Variants in DBF4B observed in about 807,000 individuals in gnomAD.
DBF4B encodes protein DBF4 homolog B.
Under a neutral mutation model 53.4 loss-of-function variants are expected in DBF4B, and 49 were observed. That is an observed-to-expected ratio of 0.92 (90% confidence interval 0.73 to 1.16). DBF4B has a LOEUF of 1.16. Among genes scored for constraint, DBF4B ranks in the 50% most tolerant of loss-of-function variants. The pLI, the probability that DBF4B is intolerant of heterozygous loss-of-function variation, is 0.00. For synonymous variants in DBF4B, 257 were observed against 288.7 expected, an observed-to-expected ratio of 0.89 and a Z score of 1.11; for missense variants, 692 against 775.0, an observed-to-expected ratio of 0.89 and a Z score of 1.27.
At chr17:44,748,754 G>A in intron 13 of DBF4B, 1 of 1,342,344 alleles carries the variant, frequency 7.4e-7, no homozygotes. Flanking sequence ...GGGGCCTCCT[G>A]GCCACAGGCT....
At chr17:44,719,620 C>T (rs1182767275) in intron 2 of DBF4B, 1 of 153,544 alleles carries the variant, frequency 6.5e-6, no homozygotes, top group Non-Finnish European at 1.4e-5. Context: ...TGTGTCAGTA[C>T]ATCATTCCTT....
intron 9 of DBF4B, among the ~76,000 whole-genome samples, chr17:44,740,823 G>A (rs1281233960): frequency 6.6e-6 from 1 of 152,212 alleles, no homozygotes; most frequent in Admixed American, 6.5e-5. Context: ...CAGGGAGGCA[G>A]TGGTATGAGT....
intron 2 of DBF4B, among the ~76,000 whole-genome samples, chr17:44,722,426 GAT>G (rs1368036782): frequency 6.6e-6 from 1 of 152,186 alleles, no homozygotes; most frequent in African/African-American, 2.4e-5. Context: ...ACACTGCCAT[GAT>G]GTTACCCTGC....
intron 9 of DBF4B, 129 bp downstream of exon 9, chr17:44,738,553 C>A: frequency 1.1e-6 from 1 of 890,196 alleles, no homozygotes; most frequent in Non-Finnish European, 1.7e-6. Flanking sequence ...CTTCATCTTC[C>A]TGAGAAGCCA....
Position 44,708,797 on chromosome 17 carries a change from A to G in DBF4B, c.-24A>G, listed in dbSNP as rs373708415. ...GGAGGCCTCTGAGGAAGGAGTACGG[A>G]GGCCGAGAAGGAGCCGGCATTTGAT... On this transcript the variant is annotated 5_prime_UTR_variant, in exon 1 of 14. Transcript: ENST00000315005. 11 of 1,550,884 alleles carry G rather than the reference A, an allele frequency of 7.1e-6. No homozygotes were observed. Among genetic ancestry groups the G allele is most frequent in the South Asian group, 2.4e-5 (2 of 83,942 alleles).
chr17:44,713,788 A>G (rs1180569169), intron 2 of DBF4B, among the ~76,000 whole-genome samples: 2 of 152,140 alleles, frequency 1.3e-5, no homozygotes, highest in Non-Finnish European at 2.9e-5. Context: ...AATACTTTCA[A>G]GCTCATCAGA....
Position 44,751,088 on chromosome 17 carries a change from G to T in DBF4B, c.1683G>T (p.Leu561Phe). 1 of 1,614,114 alleles carries T rather than the reference G, an allele frequency of 6.2e-7. No individual in the cohort carries two copies. Reference sequence around the variant, plus strand: ...GGTGCCGGGTTCGGGTGCCCTCATTGTCAACTGCAGGACCCATTCCCCGAA... The same window carrying T: ...GGTGCCGGGTTCGGGTGCCCTCATTTTCAACTGCAGGACCCATTCCCCGAA... ...SLWCRVRVPS[L>F]STAGPIPRTS... Residue 561 changes from leucine (L) to phenylalanine (F), a missense_variant, in exon 14 of 14, where the codon TTG (leucine) becomes TTT (phenylalanine). Around this residue, in one of 3 missense-constraint regions of DBF4B, gnomAD observed 597 missense variants for 665.8 expected, o/e 0.90. Transcript: ENST00000315005.
intron 10 of DBF4B, among the ~76,000 whole-genome samples, chr17:44,742,732 G>A (rs765803857): frequency 2.8e-4 from 42 of 152,282 alleles, no homozygotes; most frequent in Admixed American, 7.2e-4. Context: ...GGGGCGGGGC[G>A]GGGGAGAAGA....
At chr17:44,721,139 A>G (rs1051798630) in intron 2 of DBF4B, among the ~76,000 whole-genome samples, 3 of 151,662 alleles carry the variant, frequency 2.0e-5, no homozygotes, top group Non-Finnish European at 4.4e-5. Flanking sequence ...GTACTGGGAT[A>G]CAGGTGTGAA....
Position 44,708,702 on chromosome 17 carries a change from G to A in DBF4B, c.-119G>A, listed in dbSNP as rs999794210. ...CGGCCGAAAACGCCAAGAGATTGAT[G>A]CTGTAGCTGCCCTGAGATAACCAGG... On this transcript the variant is annotated 5_prime_UTR_variant, in exon 1 of 14. It removes an upstream start codon present in the reference 5' UTR. Coordinates refer to ENST00000315005, the MANE Select transcript of DBF4B (RefSeq NM_145663.3). 1 of 1,249,604 alleles carries A rather than the reference G, an allele frequency of 8.0e-7. No homozygotes were observed. The allele number at this position is 1,249,604 out of a possible 1,614,324, so 77.4% of individuals were successfully genotyped here.
chr17:44,715,030 T>C (rs1239548753), intron 2 of DBF4B, among the ~76,000 whole-genome samples: 1 of 152,158 alleles, frequency 6.6e-6, no homozygotes, highest in Non-Finnish European at 1.5e-5. Context: ...ACTTTTTTCA[T>C]TTATGGAGCA....
At position 44,732,250 on chromosome 17, in the gene DBF4B, A is replaced by G; in HGVS notation, c.541A>G (p.Ile181Val). The change falls in exon 6 of 14, where the codon ATT becomes GTT. Residue 181 changes from isoleucine (I) to valine (V), a missense_variant. Physicochemically the swap from Ile to Val is conservative, Grantham distance 29. Around this residue, in one of 3 missense-constraint regions of DBF4B, gnomAD observed 597 missense variants for 665.8 expected, o/e 0.90. Transcript: ENST00000315005. ...LTNARSWGVR[I>V]LHVDEMMMHV... is the part of the protein sequence containing the mutation. ...CAATGCCCGCTCTTGGGGAGTGAGG[A>G]TTCTGCACGTGGATGGTACCCTTTC... 1.2e-6 allele frequency: 2 copies of G among 1,614,128 alleles called. No homozygotes were observed. Among genetic ancestry groups the G allele is most frequent in the Non-Finnish European group, 1.7e-6 (2 of 1,180,000 alleles).
chr17:44,712,394 T>G (rs1221014055), intron 2 of DBF4B, among the ~76,000 whole-genome samples: 1 of 133,420 alleles, frequency 7.5e-6, no homozygotes, highest in African/African-American at 2.7e-5. Context: ...AACCTCTGCC[T>G]CCTGGGTTCA....
At chr17:44,719,333 G>T (rs965806833) in intron 2 of DBF4B, among the ~76,000 whole-genome samples, 8 of 151,498 alleles carry the variant, frequency 5.3e-5, no homozygotes, top group Admixed American at 4.6e-4. Flanking sequence ...CATATAAAGC[G>T]TACAATTCAG....
At chr17:44,732,126 T>C in intron 5 of DBF4B, 52 bp from the exon 6 acceptor site, 1 of 1,591,704 alleles carries the variant, frequency 6.3e-7, no homozygotes, top group Non-Finnish European at 8.6e-7. Flanking sequence ...CCCCTTCACT[T>C]TCAGGCCTTG....
intron 5 of DBF4B, chr17:44,731,222 A>G: frequency 1.8e-6 from 1 of 544,136 alleles, no homozygotes; most frequent in Non-Finnish European, 3.3e-6. Context: ...TTGAAGCCAG[A>G]GCCACCTCCA....
At chr17:44,720,694 C>T (rs557249706) in intron 2 of DBF4B, 1 of 152,756 alleles carries the variant, frequency 6.5e-6, no homozygotes, top group Admixed American at 6.5e-5. Context: ...TTTCATTTCT[C>T]AAGGATATAC....
In DBF4B at chr17:44,752,125, A is replaced by G. The variant is rs1297726750; in HGVS notation, c.*872A>G. 1.7e-5 allele frequency: 15 copies of G among 873,854 alleles called. No individual in the cohort carries two copies. The highest frequency in any genetic ancestry group is 2.7e-5 in the East Asian group (1 of 36,844). 54.1% of individuals were successfully genotyped at this position (873,854 alleles called of 1,614,324 possible). A position where few individuals can be genotyped will look rare whatever the true frequency, so the allele number is the denominator to read the frequency against. ...AACTCCCTTCTGCTGGGTGGAATGC[A>G]GGAGCTAGCTGCCTCCAACTCACTG... On this transcript the variant is annotated 3_prime_UTR_variant, in exon 14 of 14. Transcript: ENST00000315005.
intron 6 of DBF4B, 62 bp from the exon 7 acceptor site, chr17:44,734,028 G>A (rs1198762294): frequency 6.4e-6 from 9 of 1,411,132 alleles, no homozygotes; most frequent in Non-Finnish European, 9.0e-6. Context: ...GCCCAGGAAG[G>A]GGCTGTGCTA....
Sources: allele counts gnomAD v4.1 joint callset (sites outside exome capture counted in the v4.1 genomes callset), GRCh38; gene constraint gnomAD v4.1.1; regional missense constraint gnomAD v4.1.1; transcripts MANE v1.5; gene names NCBI Gene and HGNC (gene_info 2026-07-23, HGNC 2026-07-21).